Variants in TBC1D9B observed in about 807,000 individuals in gnomAD.
TBC1D9B encodes TBC1 domain family member 9B.
In TBC1D9B, 87 loss-of-function variants were observed where a neutral mutation model predicts 121.1. The observed-to-expected ratio is 0.72, with a 90% CI of 0.60 to 0.86. TBC1D9B has a LOEUF of 0.86. Among genes scored for constraint, TBC1D9B ranks in the 40% least tolerant of loss-of-function variants. TBC1D9B has a pLI of 0.00. For synonymous variants in TBC1D9B, 668 were observed against 670.1 expected (o/e 1.00, Z 0.05); for missense variants, 1,540 against 1,628.6 (o/e 0.95, Z 0.94).
In TBC1D9B at chr5:179,902,575, C is replaced by CG. The variant is rs1761193888; in HGVS notation, c.229+2126dup. Reference sequence around the variant, plus strand: ...GGCACGGGGCTACGTACATGGGCTCCGCTGCGTGGCTGTGGCTGGGCCCCT... The same window carrying CG: ...GGCACGGGGCTACGTACATGGGCTCCGGCTGCGTGGCTGTGGCTGGGCCCCT... On this transcript the variant is annotated intron_variant, in intron 2 of 20. Transcript: ENST00000355235. The surrounding 1 kb of genome is among the most constrained non-coding windows in gnomAD (Gnocchi z 4.9). 2.0e-5 allele frequency among the ~76,000 whole-genome samples: 3 copies of CG among 152,144 alleles called. No individual in the cohort carries two copies. The highest frequency in any genetic ancestry group is 4.8e-5 in the African/African-American group (2 of 41,422).
At chr5:179,895,213 A>G (rs1227176762) in intron 3 of TBC1D9B, among the ~76,000 whole-genome samples, 1 of 152,212 alleles carries the variant, frequency 6.6e-6, no homozygotes, top group East Asian at 1.9e-4. Flanking sequence ...TTGTTGAAAC[A>G]TTATCCATAA....
chr5:179,894,153 C>T (rs552061532), intron 4 of TBC1D9B, among the ~76,000 whole-genome samples: 3 of 152,262 alleles, frequency 2.0e-5, no homozygotes, highest in South Asian at 4.1e-4. Flanking sequence ...AGGGCAGGCA[C>T]GCGGAGTCAC....
At chr5:179,903,565 C>G (rs1252199574) in intron 2 of TBC1D9B, among the ~76,000 whole-genome samples, 2 of 152,252 alleles carry the variant, frequency 1.3e-5, no homozygotes, top group Non-Finnish European at 2.9e-5. Flanking sequence ...AGCCTCTAAT[C>G]ACACTTCTGT....
Position 179,891,601 on chromosome 5 carries a change from T to C in TBC1D9B, c.837-15A>G. ...CGTCCAGGTCTCTGGGGAAACAAGG[T>C]AGGAGGACAGGAGGAAAGGGGACAA... On this transcript the variant is annotated splice_polypyrimidine_tract_variant and intron_variant, in intron 5 of 20. Coordinates refer to ENST00000355235, the MANE Select transcript of TBC1D9B (RefSeq NM_015043.4). This position sits in a 1 kb window ranked among gnomAD's most constrained non-coding sequence, Gnocchi z 4.3. The C allele has an allele frequency of 6.2e-7, 1 of 1,609,938 alleles. No homozygotes were observed. Among genetic ancestry groups the C allele is most frequent in the East Asian group, 2.2e-5 (1 of 44,776 alleles).
At chr5:179,892,849 C>G (rs951439889) in intron 5 of TBC1D9B, among the ~76,000 whole-genome samples, 67 of 152,334 alleles carry the variant, frequency 4.4e-4, no homozygotes, top group African/African-American at 1.3e-3. Context: ...TACATCCTGG[C>G]TCCACTGCTC....
intron 3 of TBC1D9B, 141 bp downstream of exon 3, chr5:179,899,048 A>G: frequency 1.5e-6 from 1 of 669,504 alleles, no homozygotes; most frequent in Non-Finnish European, 2.5e-6. Flanking sequence ...TTTCAACTCC[A>G]AGAGAAGGAG....
intron 14 of TBC1D9B, chr5:179,872,349 C>T (rs56212236): frequency 6.2e-6 from 1 of 160,274 alleles, no homozygotes; most frequent in Non-Finnish European, 1.4e-5. Flanking sequence ...AGCAGTCAGT[C>T]TGTGGTGCTG....
intron 18 of TBC1D9B, chr5:179,867,329 G>A (rs1760042275): frequency 8.5e-7 from 1 of 1,178,228 alleles, no homozygotes; most frequent in Non-Finnish European, 1.2e-6. Flanking sequence ...CAGAACTTAT[G>A]CCCCAGAGGA....
chr5:179,871,688 G>T, intron 14 of TBC1D9B, 158 bp from the exon 15 acceptor site: 1 of 681,250 alleles, frequency 1.5e-6, no homozygotes, highest in Admixed American at 2.5e-5. Flanking sequence ...GAGAGAGCGA[G>T]GCCCACAGCC....
chr5:179,874,658 C>T lies in TBC1D9B; in HGVS notation c.2186+244G>A, dbSNP rs1200113948. On this transcript the variant is annotated intron_variant, in intron 12 of 20. Coordinates refer to ENST00000355235, the MANE Select transcript of TBC1D9B (RefSeq NM_015043.4). The surrounding 1 kb of genome is among the most constrained non-coding windows in gnomAD (Gnocchi z 4.3). Reference sequence around the variant, plus strand: ...AAGCATCTCCAACCCTACATCTGAGCGGTGGCCCTCCAGCCAGCATGCTCT... The same window carrying T: ...AAGCATCTCCAACCCTACATCTGAGTGGTGGCCCTCCAGCCAGCATGCTCT... Among the ~76,000 whole-genome samples, 3 of 152,318 alleles carry T rather than the reference C, an allele frequency of 2.0e-5. No homozygotes were observed. The highest frequency in any genetic ancestry group is 2.1e-4 in the South Asian group (1 of 4,832).
intron 10 of TBC1D9B, 64 bp from the exon 11 acceptor site, chr5:179,876,101 C>A: frequency 1.5e-6 from 2 of 1,328,582 alleles, no homozygotes; most frequent in African/African-American, 1.5e-5. Flanking sequence ...AACTGTCTCT[C>A]CCCACCCCTC....
chr5:179,877,920 C>A (rs1380509719), intron 10 of TBC1D9B, among the ~76,000 whole-genome samples: 1 of 152,034 alleles, frequency 6.6e-6, no homozygotes, highest in Non-Finnish European at 1.5e-5. Flanking sequence ...TTAATGGGCA[C>A]AGAGCTGTGG....
At chr5:179,878,205 G>T in intron 10 of TBC1D9B, 104 bp downstream of exon 10, 1 of 1,211,340 alleles carries the variant, frequency 8.3e-7, no homozygotes, top group Non-Finnish European at 1.1e-6. Flanking sequence ...CTCCTTCCTT[G>T]GGACACAAGG....
Position 179,862,359 on chromosome 5 carries a change from T to C in TBC1D9B, c.*1089A>G. ...TTCAGCTCCTCATGCAAAGTGAGGG[T>C]ATCCTTGTGGCTCCAGCCCTGGGGC... On this transcript the variant is annotated 3_prime_UTR_variant, in exon 21 of 21. Coordinates refer to ENST00000355235, the MANE Select transcript of TBC1D9B (RefSeq NM_015043.4). 1.2e-5 allele frequency: 4 copies of C among 334,620 alleles called. No homozygotes were observed. The highest frequency in any genetic ancestry group is 2.5e-5 in the Non-Finnish European group (4 of 162,256). The allele number at this position is 334,620 out of a possible 1,614,324, so 20.7% of individuals were successfully genotyped here.
At chr5:179,903,111 G>A (rs1299218611) in intron 2 of TBC1D9B, among the ~76,000 whole-genome samples, 2 of 152,134 alleles carry the variant, frequency 1.3e-5, no homozygotes, top group African/African-American at 2.4e-5. Flanking sequence ...GGCCTTCAAG[G>A]GAAACCACTA....
Position 179,891,705 on chromosome 5 carries a change from G to A in TBC1D9B, c.837-119C>T. 4 of 1,148,208 alleles carry A rather than the reference G, an allele frequency of 3.5e-6. No homozygotes were observed. The highest frequency in any genetic ancestry group is 4.9e-6 in the Non-Finnish European group (4 of 812,156). 71.1% of individuals were successfully genotyped at this position (1,148,208 alleles called of 1,614,324 possible). The stretch of plus-strand genomic sequence containing the variant: ...CCACATCAGATTCAGGATCCCTGGG[G>A]TGGTCCCTTGAGCAAGTCATGCTCA... On this transcript the variant is annotated intron_variant, in intron 5 of 20. Transcript: ENST00000355235. This position sits in a 1 kb window ranked among gnomAD's most constrained non-coding sequence, Gnocchi z 4.3.
At chr5:179,872,176 T>C (rs550182244) in intron 14 of TBC1D9B, 356 of 154,948 alleles carry the variant, frequency 2.3e-3, no homozygotes, top group Non-Finnish European at 4.1e-3. Context: ...CTTCCCAGGA[T>C]GGGCGTGGGG....
rs1319403649 is a variant in TBC1D9B, at chr5:179,862,967, A to G, written c.*481T>C. ...AGTCAGGAGGTTCAGGCTCCCGGAG[A>G]GCACCTGAGGGTTCCATCACTTTGG... On this transcript the variant is annotated 3_prime_UTR_variant, in exon 21 of 21. Transcript: ENST00000355235. 4.0e-6 allele frequency: 1 copy of G among 251,302 alleles called. No homozygotes were observed. Among genetic ancestry groups the G allele is most frequent in the African/African-American group, 2.2e-5 (1 of 45,286 alleles). 15.6% of individuals were successfully genotyped at this position (251,302 alleles called of 1,614,324 possible).
rs1343395860 is a variant in TBC1D9B, at chr5:179,891,795, A to T, written c.837-209T>A. Among the ~76,000 whole-genome samples, 1 of 152,198 alleles carries T rather than the reference A, an allele frequency of 6.6e-6. No individual in the cohort carries two copies. The highest frequency in any genetic ancestry group is 1.5e-5 in the Non-Finnish European group (1 of 68,026). ...CAGGCAGAAGGTGAGACAGTCACAT[A>T]ACCAGCGGAGAAGTGGCCAGCAAGC... On this transcript the variant is annotated intron_variant, in intron 5 of 20. Coordinates refer to ENST00000355235, the MANE Select transcript of TBC1D9B (RefSeq NM_015043.4). This position sits in a 1 kb window ranked among gnomAD's most constrained non-coding sequence, Gnocchi z 4.3.
Sources: gnomAD v4.1 joint callset for allele counts (sites outside exome capture counted in the v4.1 genomes callset) on GRCh38, gnomAD v4.1.1 for gene constraint, Gnocchi (gnomAD v3.1) non-coding constraint, MANE v1.5 for transcripts, NCBI Gene and HGNC (gene_info 2026-07-23, HGNC 2026-07-21) for gene names.